Variants in CTNND2 observed in about 807,000 individuals in gnomAD.
CTNND2 encodes the protein catenin delta-2.
A neutral mutation model predicts 144.4 loss-of-function variants in CTNND2; 22 were observed. The observed-to-expected ratio is 0.15, with a 90% confidence interval of 0.11 to 0.22. The LOEUF is 0.22. Ranked by LOEUF, CTNND2 falls within the 10% of genes least tolerant of loss-of-function variation. The probability of loss-of-function intolerance (pLI) is 1.00; values close to 1 mark genes in which losing one functional copy is unlikely to be tolerated. For missense variants in CTNND2, 1,353 were observed against 1,618.8 expected, an observed-to-expected ratio of 0.84 and a Z score of 2.82; for synonymous variants, 751 against 695.6, an observed-to-expected ratio of 1.08 and a Z score of -1.25.
At chr5:11,001,113 A>C (rs532425931) in intron 18 of CTNND2, among the ~76,000 whole-genome samples, 43 of 152,164 alleles carry the variant, frequency 2.8e-4, no homozygotes, top group Non-Finnish European at 5.9e-4. Context: ...ATCACACCTG[A>C]TCACCCAGCA....
chr5:11,607,194 C>G (rs1290621280), intron 2 of CTNND2, among the ~76,000 whole-genome samples: 2 of 152,154 alleles, frequency 1.3e-5, no homozygotes, highest in Non-Finnish European at 2.9e-5. Flanking sequence ...TCTGATGGCA[C>G]CTTGATCTTG....
At chr5:11,342,130 A>G (rs1031978706) in intron 9 of CTNND2, among the ~76,000 whole-genome samples, 10 of 152,232 alleles carry the variant, frequency 6.6e-5, no homozygotes, top group Non-Finnish European at 1.5e-4. Context: ...AACAGTTAAA[A>G]AAAGAAAAAG....
At chr5:11,081,330 AAAGAT>A (rs772657015) in intron 16 of CTNND2, among the ~76,000 whole-genome samples, 16 of 152,220 alleles carry the variant, frequency 1.1e-4, no homozygotes, top group Non-Finnish European at 1.5e-4. Context: ...TGTTCCCACC[AAAGAT>A]AAGATAATTA....
At chr5:11,867,079 T>G (rs1795806277) in intron 1 of CTNND2, among the ~76,000 whole-genome samples, 1 of 152,212 alleles carries the variant, frequency 6.6e-6, no homozygotes, top group African/African-American at 2.4e-5. Context: ...AAGCTCACAT[T>G]TTAACGCTTT....
chr5:11,819,218 G>T (rs1208639376), intron 1 of CTNND2, among the ~76,000 whole-genome samples: 1 of 152,166 alleles, frequency 6.6e-6, no homozygotes, highest in African/African-American at 2.4e-5. Flanking sequence ...CGGATCACTG[G>T]AAGTCAGGAG....
rs529971039 is a variant in CTNND2 at position 11,411,925 on chromosome 5, C to A, written c.322+110G>T. 61 of 883,854 alleles carry A rather than the reference C, an allele frequency of 6.9e-5. No individual in the cohort carries two copies. The African/African-American group carries it at 8.2e-4, about 12-fold the overall frequency. The allele number at this position is 883,854 out of a possible 1,614,324, so 54.8% of individuals were successfully genotyped here. On this transcript the variant is annotated intron_variant, in intron 4 of 21. Coordinates refer to ENST00000304623, the MANE Select transcript of CTNND2 (RefSeq NM_001332.4). The stretch of plus-strand genomic sequence containing the variant: ...TAACAACTTCATCTAATTTTACTAT[C>A]GGGATGTTTTCCTATTACTTTTCTA...
intron 16 of CTNND2, among the ~76,000 whole-genome samples, chr5:11,035,427 T>C (rs979715638): frequency 6.6e-6 from 1 of 152,230 alleles, no homozygotes; most frequent in East Asian, 1.9e-4. Flanking sequence ...GACCCTTTCA[T>C]TTGCCTCCAG....
At chr5:11,569,712 A>G (rs1225279069) in intron 2 of CTNND2, among the ~76,000 whole-genome samples, 1 of 152,162 alleles carries the variant, frequency 6.6e-6, no homozygotes, top group African/African-American at 2.4e-5. Context: ...AAAATGGACA[A>G]TTGTTAAGTC....
chr5:11,097,181 T>C (rs16901255), intron 15 of CTNND2, among the ~76,000 whole-genome samples: 1,787 of 152,306 alleles, frequency 0.012, 31 homozygotes, highest in African/African-American at 0.042. Context: ...CGGTTTGAAC[T>C]GTGATTTGAG....
At chr5:11,347,536 T>C (rs1237687763) in intron 8 of CTNND2, among the ~76,000 whole-genome samples, 2 of 152,250 alleles carry the variant, frequency 1.3e-5, no homozygotes, top group Non-Finnish European at 2.9e-5. Flanking sequence ...ATCTAAGGTT[T>C]GGTTGATAGA....
intron 21 of CTNND2, among the ~76,000 whole-genome samples, chr5:10,980,701 T>C (rs1160590829): frequency 1.3e-5 from 2 of 152,126 alleles, no homozygotes; most frequent in South Asian, 2.1e-4. Flanking sequence ...ATATATACCA[T>C]GGAATACTAT....
At chr5:11,878,499 T>C (rs1468140230) in intron 1 of CTNND2, among the ~76,000 whole-genome samples, 3 of 152,180 alleles carry the variant, frequency 2.0e-5, no homozygotes, top group Non-Finnish European at 4.4e-5. Flanking sequence ...AGAAAACAGA[T>C]GCAAATGTTT....
At chr5:11,550,985 G>C (rs554839087) in intron 3 of CTNND2, among the ~76,000 whole-genome samples, 1 of 152,280 alleles carries the variant, frequency 6.6e-6, no homozygotes, top group Non-Finnish European at 1.5e-5. Context: ...GCCTCTGGAA[G>C]CCCTCGTTAC....
chr5:11,555,169 G>A (rs1048878896), intron 3 of CTNND2, among the ~76,000 whole-genome samples: 6 of 152,106 alleles, frequency 3.9e-5, no homozygotes, highest in African/African-American at 1.4e-4. Flanking sequence ...GCTGTGTGCT[G>A]GCCACTGGTT....
At chr5:11,791,340 T>C (rs575099681) in intron 1 of CTNND2, among the ~76,000 whole-genome samples, 15 of 152,280 alleles carry the variant, frequency 9.9e-5, no homozygotes, top group African/African-American at 3.6e-4. Context: ...GTTCAGGTTG[T>C]CAAGCAAACC....
intron 12 of CTNND2, among the ~76,000 whole-genome samples, chr5:11,144,240 T>C (rs1757034136): frequency 6.6e-6 from 1 of 152,224 alleles, no homozygotes; most frequent in African/African-American, 2.4e-5. Flanking sequence ...GTTCCATTTG[T>C]CTGTTTTCAT....
At chr5:11,428,740 T>C (rs1763011516) in intron 3 of CTNND2, among the ~76,000 whole-genome samples, 1 of 152,228 alleles carries the variant, frequency 6.6e-6, no homozygotes, top group South Asian at 2.1e-4. Flanking sequence ...TTTAGAATTG[T>C]CTGTGACAAA....
intron 10 of CTNND2, among the ~76,000 whole-genome samples, chr5:11,211,435 G>A (rs1001493076): frequency 2.6e-5 from 4 of 152,222 alleles, no homozygotes; most frequent in Non-Finnish European, 2.9e-5. Context: ...GAGAACCACA[G>A]CAGCTTTTGA....
chr5:11,776,872 T>C (rs1790283739), intron 1 of CTNND2, among the ~76,000 whole-genome samples: 1 of 152,156 alleles, frequency 6.6e-6, no homozygotes, highest in Non-Finnish European at 1.5e-5. Context: ...AAGTGAAAAA[T>C]TTTATAATCT....
Sources: allele counts gnomAD v4.1 joint callset (sites outside exome capture counted in the v4.1 genomes callset), GRCh38; gene constraint gnomAD v4.1.1; transcripts MANE v1.5; gene names NCBI Gene and HGNC (gene_info 2026-07-23, HGNC 2026-07-21).